Variants in PLXNA2 observed in about 807,000 individuals in gnomAD.
PLXNA2 encodes plexin A2.
Under a neutral mutation model 193.5 loss-of-function variants are expected in PLXNA2, and 91 were observed. That is an observed-to-expected ratio of 0.47 (90% CI 0.40 to 0.56). The LOEUF is 0.56. Among genes scored for constraint, PLXNA2 ranks in the 20% least tolerant of loss-of-function variants. The probability of loss-of-function intolerance (pLI) is 0.00; values close to 1 mark genes in which losing one functional copy is unlikely to be tolerated. For synonymous variants in PLXNA2, 997 were observed against 1,027.3 expected, an observed-to-expected ratio of 0.97 and a Z score of 0.56; for missense variants, 1,995 against 2,503.2, an observed-to-expected ratio of 0.80 and a Z score of 4.33.
At chr1:208,238,045 A>G (rs1459772552) in intron 1 of PLXNA2, among the ~76,000 whole-genome samples, 1 of 152,174 alleles carries the variant, frequency 6.6e-6, no homozygotes. Context: ...CCTCTATACT[A>G]TGGTTGAGAG....
chr1:208,235,498 C>T (rs1317061033), intron 1 of PLXNA2, among the ~76,000 whole-genome samples: 1 of 152,168 alleles, frequency 6.6e-6, no homozygotes, highest in African/African-American at 2.4e-5. Context: ...GTATTCATTC[C>T]ATTATACAGA....
intron 9 of PLXNA2, among the ~76,000 whole-genome samples, chr1:208,090,089 C>T (rs1666660752): frequency 6.6e-6 from 1 of 152,200 alleles, no homozygotes; most frequent in Admixed American, 6.5e-5. Flanking sequence ...CCGGAAGTGG[C>T]CCTGGCAACC....
At chr1:208,171,873 G>A (rs1443387947) in intron 3 of PLXNA2, among the ~76,000 whole-genome samples, 6 of 151,794 alleles carry the variant, frequency 4.0e-5, no homozygotes, top group Admixed American at 3.9e-4. Context: ...TTTTTTTTAA[G>A]ATGATAATAA....
intron 1 of PLXNA2, among the ~76,000 whole-genome samples, chr1:208,229,144 C>T (rs1671607832): frequency 6.6e-6 from 1 of 152,160 alleles, no homozygotes; most frequent in African/African-American, 2.4e-5. Flanking sequence ...ATTTCCTCTT[C>T]CTTCCTTGTC....
chr1:208,085,192 A>G (rs1666477002), intron 9 of PLXNA2, among the ~76,000 whole-genome samples: 1 of 151,960 alleles, frequency 6.6e-6, no homozygotes, highest in Admixed American at 6.6e-5. Context: ...GGGCTTTGGG[A>G]AGGACCATGA....
intron 3 of PLXNA2, among the ~76,000 whole-genome samples, chr1:208,163,269 C>T (rs1669190652): frequency 6.6e-6 from 1 of 152,130 alleles, no homozygotes; most frequent in South Asian, 2.1e-4. Flanking sequence ...ACCCTACCTA[C>T]AAGCTGCGGA....
Position 208,188,602 on chromosome 1 carries a change from G to A in PLXNA2, c.1371+21678C>T, listed in dbSNP as rs112803115. 8.0e-3 allele frequency among the ~76,000 whole-genome samples: 1,212 copies of A among 151,980 alleles called. 20 individuals carry two copies. Among genetic ancestry groups the A allele is most frequent in the African/African-American group, 0.028 (1,172 of 41,422 alleles). On this transcript the variant is annotated intron_variant, in intron 3 of 31. Coordinates refer to ENST00000367033, the MANE Select transcript of PLXNA2 (RefSeq NM_025179.4). ...TGGTTGCCTGTAATCCCAGCTACTC[G>A]GGAGGCTGAGGCAGGAGAATTGCTT...
intron 8 of PLXNA2, among the ~76,000 whole-genome samples, chr1:208,095,086 T>C (rs916430238): frequency 6.6e-6 from 1 of 152,194 alleles, no homozygotes; most frequent in Non-Finnish European, 1.5e-5. Context: ...TCCGAATCAC[T>C]GCCTCCTCTG....
chr1:208,240,619 C>T (rs1202165549), intron 1 of PLXNA2, among the ~76,000 whole-genome samples: 2 of 151,876 alleles, frequency 1.3e-5, no homozygotes, highest in African/African-American at 2.4e-5. Flanking sequence ...GTGATTGGGG[C>T]TGAGGGGGGA....
intron 3 of PLXNA2, among the ~76,000 whole-genome samples, chr1:208,182,210 G>A (rs368152367): frequency 4.7e-4 from 71 of 152,236 alleles, no homozygotes; most frequent in African/African-American, 1.4e-3. Flanking sequence ...TGAGGCGGGC[G>A]GATCACAAGG....
At chr1:208,238,408 C>T (rs1671937455) in intron 1 of PLXNA2, among the ~76,000 whole-genome samples, 1 of 152,202 alleles carries the variant, frequency 6.6e-6, no homozygotes, top group Non-Finnish European at 1.5e-5. Context: ...TCCTCCCTTC[C>T]CCCTGCCCTG....
At chr1:208,128,821 C>A (rs1668053156) in intron 4 of PLXNA2, among the ~76,000 whole-genome samples, 1 of 151,706 alleles carries the variant, frequency 6.6e-6, no homozygotes, top group African/African-American at 2.4e-5. Flanking sequence ...CCTGCCTCAG[C>A]CTCCCGAGTA....
intron 4 of PLXNA2, among the ~76,000 whole-genome samples, chr1:208,133,743 G>A (rs1571953615): frequency 6.6e-6 from 1 of 152,214 alleles, no homozygotes; most frequent in African/African-American, 2.4e-5. Flanking sequence ...TCTGTGCTGA[G>A]TGAAACTGTT....
rs1386088006 is a variant in PLXNA2, at chr1:208,038,726, C to A, written c.4660+99G>T. On this transcript the variant is annotated intron_variant, in intron 25 of 31. Coordinates refer to ENST00000367033, the MANE Select transcript of PLXNA2 (RefSeq NM_025179.4). The surrounding 1 kb of genome is among the most constrained non-coding windows in gnomAD (Gnocchi z 4.1). ...GCATTTCACACGGGCCTCAGCTGGC[C>A]AGGACACAGTCATGCCCCTGCAAGG... 4 of 1,304,556 alleles carry A rather than the reference C, an allele frequency of 3.1e-6. No homozygotes were observed. In the African/African-American group the frequency reaches 4.4e-5, roughly 14 times the overall value. The allele number at this position is 1,304,556 out of a possible 1,614,324, so 80.8% of individuals were successfully genotyped here.
At position 208,044,835 on chromosome 1, in the gene PLXNA2, A is replaced by G. The variant is rs1306099506; in HGVS notation, c.3640-93T>C. The G allele has an allele frequency of 2.1e-5, 23 of 1,075,882 alleles. No homozygotes were observed. Among genetic ancestry groups the G allele is most frequent in the African/African-American group, 3.1e-5 (2 of 64,030 alleles). The allele number at this position is 1,075,882 out of a possible 1,614,324, so 66.6% of individuals were successfully genotyped here. On this transcript the variant is annotated intron_variant, in intron 19 of 31. Coordinates refer to ENST00000367033, the MANE Select transcript of PLXNA2 (RefSeq NM_025179.4). This position sits in a 1 kb window ranked among gnomAD's most constrained non-coding sequence, Gnocchi z 4.9. ...TCCTTACAGTGCGAGGAAGGACATG[A>G]CAGACCACAACCACACAGTGCAGCT...
chr1:208,125,106 A>G (rs12407329), intron 4 of PLXNA2, among the ~76,000 whole-genome samples: 1,750 of 152,332 alleles, frequency 0.011, 50 homozygotes, highest in East Asian at 0.091. Context: ...ACTATACCAA[A>G]TGGCCTTTTG....
chr1:208,199,865 G>C (rs186420773), intron 3 of PLXNA2, among the ~76,000 whole-genome samples: 2 of 152,058 alleles, frequency 1.3e-5, no homozygotes, highest in Non-Finnish European at 2.9e-5. Flanking sequence ...AGAACAATAC[G>C]CATCTTACTT....
chr1:208,221,206 A>G (rs1671320505), intron 1 of PLXNA2, among the ~76,000 whole-genome samples: 1 of 152,064 alleles, frequency 6.6e-6, no homozygotes, highest in Non-Finnish European at 1.5e-5. Context: ...CTATTTCTTG[A>G]TCTTAAAACA....
Position 208,144,260 on chromosome 1 carries a change from A to C in PLXNA2, c.1372-1797T>G, listed in dbSNP as rs550795657. 4.6e-5 allele frequency among the ~76,000 whole-genome samples: 7 copies of C among 152,284 alleles called. No homozygotes were observed. In the South Asian group the frequency reaches 1.5e-3, roughly 32 times the overall value. On this transcript the variant is annotated intron_variant, in intron 3 of 31. Coordinates refer to ENST00000367033, the MANE Select transcript of PLXNA2 (RefSeq NM_025179.4). ...CAAGTACACTAGCATGGATGGATGG[A>C]TGGATGTGTTTTCAGTTCTTATTGG...
Sources: allele counts gnomAD v4.1 joint callset (sites outside exome capture counted in the v4.1 genomes callset), GRCh38; gene constraint gnomAD v4.1.1; non-coding constraint Gnocchi (gnomAD v3.1); transcripts MANE v1.5; gene names NCBI Gene and HGNC (gene_info 2026-07-23, HGNC 2026-07-21).